The following HHAT variants were observed in gnomAD, a reference collection of about 807,000 sequenced individuals.
The protein encoded by HHAT is protein-cysteine N-palmitoyltransferase HHAT.
In HHAT, 47 loss-of-function variants were observed where a neutral mutation model predicts 70.8. The ratio of observed to expected loss-of-function variants is 0.66; its 90% CI spans 0.53 to 0.85. The LOEUF (loss-of-function observed/expected upper bound fraction) is 0.85. HHAT is among the 40% of genes least tolerant of loss of function. The probability of loss-of-function intolerance (pLI) is 0.00; values close to 1 mark genes in which losing one functional copy is unlikely to be tolerated. For missense variants in HHAT, 609 were observed against 604.8 expected (o/e 1.01, Z -0.07); for synonymous variants, 228 against 247.6 (o/e 0.92, Z 0.74).
chr1:210,533,534 T>A lies in HHAT; in HGVS notation c.1043+20346T>A, dbSNP rs530374297. On this transcript the variant is annotated intron_variant, in intron 9 of 11. Transcript: ENST00000261458. ...TTTTCATGACTAAATATGTTTGTAATCACCTCTGAGACTCACAGACAACCT... is the reference window on the plus strand; with the variant it reads ...TTTTCATGACTAAATATGTTTGTAAACACCTCTGAGACTCACAGACAACCT... Among the ~76,000 whole-genome samples the A allele has an allele frequency of 2.6e-5, 4 of 152,314 alleles. No homozygotes were observed. The East Asian group carries it at 5.8e-4, about 22-fold the overall frequency.
intron 7 of HHAT, among the ~76,000 whole-genome samples, chr1:210,435,768 T>G (rs570336677): frequency 6.6e-5 from 10 of 152,108 alleles, no homozygotes; most frequent in African/African-American, 2.4e-4. Context: ...TGTCATTTTT[T>G]GAGAAATGTC....
At chr1:210,494,400 A>G (rs748725540) in intron 8 of HHAT, among the ~76,000 whole-genome samples, 3 of 152,102 alleles carry the variant, frequency 2.0e-5, no homozygotes, top group Non-Finnish European at 4.4e-5. Flanking sequence ...ATGGGATTGG[A>G]TGTCAGCGTT....
At chr1:210,459,319 T>G (rs532056057) in intron 7 of HHAT, among the ~76,000 whole-genome samples, 1 of 152,342 alleles carries the variant, frequency 6.6e-6, no homozygotes, top group South Asian at 2.1e-4. Context: ...TGTGATACAG[T>G]TCGTCTTCCT....
At chr1:210,338,409 G>A (rs564358365) in intron 1 of HHAT, among the ~76,000 whole-genome samples, 5 of 152,300 alleles carry the variant, frequency 3.3e-5, no homozygotes, top group African/African-American at 1.2e-4. Context: ...GTCTGGAAGA[G>A]GGTTTGGATG....
chr1:210,338,192 A>T (rs1354005178), intron 1 of HHAT, among the ~76,000 whole-genome samples: 1 of 151,890 alleles, frequency 6.6e-6, no homozygotes, highest in East Asian at 1.9e-4. Context: ...TTTAAAAAAA[A>T]AAATGGGTGT....
At chr1:210,348,088 G>A (rs1220139442) in intron 1 of HHAT, among the ~76,000 whole-genome samples, 1 of 152,158 alleles carries the variant, frequency 6.6e-6, no homozygotes, top group East Asian at 1.9e-4. Context: ...TTTAAGAAAT[G>A]TACAGATGAG....
intron 8 of HHAT, among the ~76,000 whole-genome samples, chr1:210,474,744 G>C (rs140753180): frequency 5.1e-4 from 78 of 152,012 alleles, no homozygotes; most frequent in African/African-American, 1.8e-3. Context: ...GAGTGAGTCT[G>C]ACGAGGAGGG....
chr1:210,390,449 T>C (rs907717641), intron 4 of HHAT, among the ~76,000 whole-genome samples: 8 of 147,364 alleles, frequency 5.4e-5, no homozygotes, highest in Non-Finnish European at 8.9e-5. Context: ...TGCTTCAAAA[T>C]ATATAAAGCA....
intron 8 of HHAT, among the ~76,000 whole-genome samples, chr1:210,496,810 T>G (rs1053096763): frequency 6.6e-6 from 1 of 152,206 alleles, no homozygotes; most frequent in African/African-American, 2.4e-5. Flanking sequence ...AATGGAAGTC[T>G]TACCGGGCTA....
rs147023982 is a variant in HHAT, at chr1:210,587,434, C to T, written c.1044-464C>T. Among the ~76,000 whole-genome samples, 22 of 152,246 alleles carry T rather than the reference C, an allele frequency of 1.4e-4. No individual in the cohort carries two copies. The East Asian group carries it at 1.7e-3, about 12-fold the overall frequency. On this transcript the variant is annotated intron_variant, in intron 9 of 11. Coordinates refer to ENST00000261458, the MANE Select transcript of HHAT (RefSeq NM_018194.6). ...CCACCCCCATGATTCAATTACCTCG[C>T]GCTGGGTCCCTCCCATGACACGTGG...
chr1:210,536,355 A>G (rs1014151121), intron 9 of HHAT, among the ~76,000 whole-genome samples: 1 of 152,226 alleles, frequency 6.6e-6, no homozygotes, highest in Non-Finnish European at 1.5e-5. Flanking sequence ...GCATCTTTTC[A>G]GTACTGAACT....
At chr1:210,626,139 G>C (rs779196687) in intron 11 of HHAT, among the ~76,000 whole-genome samples, 1 of 152,190 alleles carries the variant, frequency 6.6e-6, no homozygotes, top group Non-Finnish European at 1.5e-5. Context: ...AATTAACCAC[G>C]GAGCTGTGTA....
At chr1:210,546,948 G>C (rs1447374613) in intron 9 of HHAT, among the ~76,000 whole-genome samples, 2 of 152,134 alleles carry the variant, frequency 1.3e-5, no homozygotes, top group Non-Finnish European at 2.9e-5. Context: ...TGATGAACTG[G>C]GGCCATCACC....
At chr1:210,611,231 T>C (rs1210308539) in intron 10 of HHAT, among the ~76,000 whole-genome samples, 1 of 152,168 alleles carries the variant, frequency 6.6e-6, no homozygotes, top group African/African-American at 2.4e-5. Flanking sequence ...TCACTTCCCT[T>C]GTTAGCTGTA....
At chr1:210,378,795 G>T (rs1483255813) in intron 3 of HHAT, among the ~76,000 whole-genome samples, 1 of 152,194 alleles carries the variant, frequency 6.6e-6, no homozygotes, top group Non-Finnish European at 1.5e-5. Flanking sequence ...GGTTGACCTA[G>T]CTGGTGTTTT....
intron 9 of HHAT, among the ~76,000 whole-genome samples, chr1:210,575,991 C>T (rs538330740): frequency 3.7e-4 from 57 of 152,140 alleles, no homozygotes; most frequent in Non-Finnish European, 6.6e-4. Flanking sequence ...CTTACCCTGA[C>T]ACACCCACAT....
chr1:210,633,573 C>G (rs888127936), intron 11 of HHAT, among the ~76,000 whole-genome samples: 2 of 152,232 alleles, frequency 1.3e-5, no homozygotes, highest in African/African-American at 2.4e-5. Context: ...CAATAAGCCA[C>G]TTTTAAAACA....
intron 7 of HHAT, among the ~76,000 whole-genome samples, chr1:210,445,834 G>C (rs1032100589): frequency 3.3e-5 from 5 of 151,652 alleles, no homozygotes; most frequent in African/African-American, 1.2e-4. Flanking sequence ...TATCCTCTTA[G>C]GGTGCTTGTG....
intron 6 of HHAT, among the ~76,000 whole-genome samples, chr1:210,407,289 A>G (rs1365037888): frequency 6.6e-6 from 1 of 152,272 alleles, no homozygotes; most frequent in Non-Finnish European, 1.5e-5. Flanking sequence ...GAATGAATGC[A>G]TGCATGAAAT....
Sources: gnomAD v4.1 joint callset for allele counts (sites outside exome capture counted in the v4.1 genomes callset) on GRCh38, gnomAD v4.1.1 for gene constraint, MANE v1.5 for transcripts, NCBI Gene and HGNC (gene_info 2026-07-23, HGNC 2026-07-21) for gene names.